Variants in CATIP observed in about 807,000 individuals in gnomAD.
CATIP encodes the protein ciliogenesis associated TTC17 interacting protein, also known as ciliogenesis-associated TTC17-interacting protein.
CATIP carries 40 observed loss-of-function variants against 42.5 expected under a neutral mutation model. The ratio of observed to expected loss-of-function variants is 0.94; its 90% CI spans 0.73 to 1.22. The LOEUF is 1.22. Ranked by LOEUF, CATIP falls within the 50% of genes most tolerant of loss-of-function variation. The pLI, the probability that CATIP is intolerant of heterozygous loss-of-function variation, is 0.00. For missense variants in CATIP, 489 were observed against 496.0 expected, an observed-to-expected ratio of 0.99 and a Z score of 0.13; for synonymous variants, 222 against 200.2, an observed-to-expected ratio of 1.11 and a Z score of -0.92.
chr2:218,361,111 G>T (rs940302839), intron 5 of CATIP, among the ~76,000 whole-genome samples: 1 of 152,026 alleles, frequency 6.6e-6, no homozygotes, highest in African/African-American at 2.4e-5. Flanking sequence ...GATTACAGGC[G>T]TGAGCCACCA....
Position 218,357,564 on chromosome 2 carries a change from C to G in CATIP, c.149C>G (p.Ser50Cys), listed in dbSNP as rs1695073969. Residue 50 changes from serine to cysteine, a missense_variant, in exon 3 of 10, where the codon TCT becomes TGT. Coordinates refer to ENST00000289388, the MANE Select transcript of CATIP (RefSeq NM_198559.2). ...HKEELQMLFF[S>C]ETLAMVSDTG... is the part of the protein sequence containing the mutation. ...GAGGAGCTACAGATGCTGTTCTTCT[C>G]TGAGACGCTGGCCATGGTCTCAGAC... 2.5e-6 allele frequency: 4 copies of G among 1,614,046 alleles called. No individual in the cohort carries two copies. The highest frequency in any genetic ancestry group is 2.5e-6 in the Non-Finnish European group (3 of 1,179,982).
At chr2:218,359,088 C>T (rs764701662) in intron 4 of CATIP, among the ~76,000 whole-genome samples, 46 of 151,820 alleles carry the variant, frequency 3.0e-4, no homozygotes, top group Non-Finnish European at 5.9e-4. Flanking sequence ...CCTGTAATCC[C>T]AACACTTTGG....
At position 218,367,617 on chromosome 2, in the gene CATIP, C is replaced by A. The variant is rs935614089; in HGVS notation, c.921+99C>A. 11 of 1,599,048 alleles carry A rather than the reference C, an allele frequency of 6.9e-6. No homozygotes were observed. In the South Asian group the frequency reaches 1.1e-4, roughly 16 times the overall value. On this transcript the variant is annotated intron_variant, in intron 9 of 9. Coordinates refer to ENST00000289388, the MANE Select transcript of CATIP (RefSeq NM_198559.2). Reference sequence around the variant, plus strand: ...TGATTGAAATGCACACCCGTAGGGGCTAGAAGGCTCCAGCGCCCCTTAGCT... The same window carrying A: ...TGATTGAAATGCACACCCGTAGGGGATAGAAGGCTCCAGCGCCCCTTAGCT...
intron 8 of CATIP, 118 bp from the exon 9 acceptor site, chr2:218,367,312 G>A (rs1335804313): frequency 1.1e-5 from 11 of 996,654 alleles, no homozygotes; most frequent in Non-Finnish European, 1.4e-5. Flanking sequence ...CTCTGCCCAT[G>A]TGGGCAGAAT....
At chr2:218,365,286 C>A (rs993923736) in intron 7 of CATIP, among the ~76,000 whole-genome samples, 1 of 151,922 alleles carries the variant, frequency 6.6e-6, no homozygotes, top group Non-Finnish European at 1.5e-5. Context: ...TGGTCGTGGG[C>A]GCCTGTAGTC....
At chr2:218,365,118 C>A (rs892529959) in intron 7 of CATIP, among the ~76,000 whole-genome samples, 3 of 152,084 alleles carry the variant, frequency 2.0e-5, no homozygotes, top group Non-Finnish European at 2.9e-5. Flanking sequence ...GGCTCCAAAT[C>A]ATAAGAAAAT....
chr2:218,360,256 A>G (rs551441615), intron 4 of CATIP, among the ~76,000 whole-genome samples: 1 of 152,084 alleles, frequency 6.6e-6, no homozygotes, highest in Admixed American at 6.5e-5. Context: ...GGTTCAAGCA[A>G]TTCTTCTGCC....
intron 4 of CATIP, 21 bp from the exon 5 acceptor site, chr2:218,360,552 C>T (rs376190447): frequency 1.0e-5 from 16 of 1,603,622 alleles, no homozygotes; most frequent in Admixed American, 6.7e-5. Context: ...CTGATCCTCC[C>T]CCGCATGCTC....
At chr2:218,358,344 G>A (rs376950195) in intron 4 of CATIP, among the ~76,000 whole-genome samples, 5 of 152,034 alleles carry the variant, frequency 3.3e-5, no homozygotes, top group Admixed American at 6.6e-5. Flanking sequence ...AGAGGTGGGC[G>A]GATCACCCTG....
At position 218,367,111 on chromosome 2, in the gene CATIP, C is replaced by G; in HGVS notation, c.832+11C>G. ...TCTTGAGGGAAGAGGGTGAGTGAAG[C>G]CCAGGCCTTGTGCAGGCAGGGAGAG... is the stretch of plus-strand genomic sequence containing the variant. On this transcript the variant is annotated intron_variant, in intron 8 of 9. Coordinates refer to ENST00000289388, the MANE Select transcript of CATIP (RefSeq NM_198559.2). The G allele has an allele frequency of 6.2e-7, 1 of 1,604,986 alleles. No individual in the cohort carries two copies. Among genetic ancestry groups the G allele is most frequent in the South Asian group, 1.1e-5 (1 of 90,848 alleles).
intron 7 of CATIP, chr2:218,366,051 G>C (rs1260936429): frequency 6.6e-6 from 1 of 152,170 alleles, no homozygotes; most frequent in African/African-American, 2.4e-5. Context: ...CTGACCTGAA[G>C]TGATCTGCCC....
In CATIP at chr2:218,362,955, C is replaced by T. The variant is rs144246844; in HGVS notation, c.630+53C>T. On this transcript the variant is annotated intron_variant, in intron 6 of 9. Coordinates refer to ENST00000289388, the MANE Select transcript of CATIP (RefSeq NM_198559.2). ...TGGCTTGGGAGCGAACTAGAAAAGG[C>T]GTGAAAAGCACTGAGATGGGGAACA... 2.8e-4 allele frequency: 430 copies of T among 1,538,442 alleles called. 2 individuals are homozygous for T. In the East Asian group the frequency reaches 3.3e-3, roughly 12 times the overall value.
chr2:218,357,931 T>C, intron 3 of CATIP, 106 bp from the exon 4 acceptor site: 1 of 1,178,872 alleles, frequency 8.5e-7, no homozygotes, highest in South Asian at 1.2e-5. Flanking sequence ...GTAGTTTTTC[T>C]GGGACCGTAT....
Position 218,364,770 on chromosome 2 carries a change from G to A in CATIP, c.755+18G>A. The A allele has an allele frequency of 6.2e-7, 1 of 1,607,790 alleles. No individual in the cohort carries two copies. The highest frequency in any genetic ancestry group is 2.2e-5 in the East Asian group (1 of 44,686). On this transcript the variant is annotated intron_variant, in intron 7 of 9. Coordinates refer to ENST00000289388, the MANE Select transcript of CATIP (RefSeq NM_198559.2). ...TCCGATGGGTGAGCTGCTGATGGTGGGCCCAGAGGGGTGGTGCTGAGCTTG... is the reference window on the plus strand; with the variant it reads ...TCCGATGGGTGAGCTGCTGATGGTGAGCCCAGAGGGGTGGTGCTGAGCTTG...
chr2:218,363,246 C>A, intron 6 of CATIP, among the ~76,000 whole-genome samples: 1 of 151,528 alleles, frequency 6.6e-6, no homozygotes, highest in South Asian at 2.1e-4. Context: ...TTTGGGAGGC[C>A]AAGGCGGGCC....
rs1434218813 is a variant in CATIP, at chr2:218,363,347, G to A, written c.630+445G>A. On this transcript the variant is annotated intron_variant, in intron 6 of 9. Coordinates refer to ENST00000289388, the MANE Select transcript of CATIP (RefSeq NM_198559.2). ...TACAAAAAAAAAAAATCAGCGGGGC[G>A]TGGTGGCAGGCGCCTGTAGTCCCAG... 8.6e-5 allele frequency among the ~76,000 whole-genome samples: 13 copies of A among 151,800 alleles called. No individual in the cohort carries two copies. In the East Asian group the frequency reaches 1.6e-3, roughly 18 times the overall value.
chr2:218,366,944 C>A, intron 7 of CATIP, 80 bp from the exon 8 acceptor site: 1 of 1,085,770 alleles, frequency 9.2e-7, no homozygotes, highest in Non-Finnish European at 1.4e-6. Flanking sequence ...TACCACCACA[C>A]TGGGGGTTAG....
chr2:218,365,071 CTGTGGCAGGCTGCCGTGCA>C (rs1695381247), intron 7 of CATIP, among the ~76,000 whole-genome samples: 12 of 152,278 alleles, frequency 7.9e-5, no homozygotes, highest in Admixed American at 1.3e-4. Context: ...GAAGAATTGC[CTGTGGCAGGCTGCCGTGCA>C]GTCTCCAGCA....
intron 7 of CATIP, among the ~76,000 whole-genome samples, chr2:218,365,086 G>A (rs1299507622): frequency 2.6e-5 from 4 of 152,118 alleles, no homozygotes; most frequent in Non-Finnish European, 4.4e-5. Context: ...GCAGGCTGCC[G>A]TGCAGTCTCC....
Sources: allele counts gnomAD v4.1 joint callset (sites outside exome capture counted in the v4.1 genomes callset), GRCh38; gene constraint gnomAD v4.1.1; transcripts MANE v1.5; gene names NCBI Gene and HGNC (gene_info 2026-07-23, HGNC 2026-07-21).